ACSS3: variants seen among roughly 807,000 people sequenced by gnomAD.
The protein encoded by ACSS3 is acyl-CoA synthetase short chain family member 3, also known as acyl-CoA synthetase short-chain family member 3, mitochondrial.
A neutral mutation model predicts 84.2 loss-of-function variants in ACSS3; 64 were observed. That is an observed-to-expected ratio of 0.76 (90% CI 0.62 to 0.94). The LOEUF (loss-of-function observed/expected upper bound fraction) is 0.94, where lower values mean the gene tolerates loss of function less well. Among genes scored for constraint, ACSS3 ranks in the 40% least tolerant of loss-of-function variants. ACSS3 has a pLI of 0.00. For missense variants in ACSS3, 815 were observed against 867.6 expected (o/e 0.94, Z 0.76); for synonymous variants, 317 against 310.1 (o/e 1.02, Z -0.23).
intron 2 of ACSS3, among the ~76,000 whole-genome samples, chr12:81,113,366 C>T (rs1593066882): frequency 6.6e-6 from 1 of 152,134 alleles, no homozygotes; most frequent in Non-Finnish European, 1.5e-5. Flanking sequence ...CTGAATGTTA[C>T]GTTCTCAGTG....
chr12:81,186,334 G>A (rs920599299), intron 8 of ACSS3, among the ~76,000 whole-genome samples: 1 of 151,620 alleles, frequency 6.6e-6, no homozygotes, highest in East Asian at 1.9e-4. Context: ...AAATGCTCAG[G>A]CCACAAAAGC....
Position 81,211,292 on chromosome 12 carries a change from A to AT in ACSS3, c.1355-5604dup, listed in dbSNP as rs146600057. Among the ~76,000 whole-genome samples the AT allele has an allele frequency of 1.9e-3, 287 of 152,168 alleles. 6 individuals carry two copies. In the East Asian group the frequency reaches 0.045, roughly 24 times the overall value. On this transcript the variant is annotated intron_variant, in intron 9 of 15. Transcript: ENST00000548058. ...TCTTTTTTTTTAATTTTTAATTTCA[A>AT]TTTTTGTGGATACATGATGTATATA...
intron 7 of ACSS3, among the ~76,000 whole-genome samples, chr12:81,157,626 G>GT (rs1432501902): frequency 6.6e-6 from 1 of 152,074 alleles, no homozygotes; most frequent in Non-Finnish European, 1.5e-5. Flanking sequence ...GACCAATATG[G>GT]TGAAACCCCA....
At chr12:81,105,837 A>G (rs1248125388) in intron 1 of ACSS3, among the ~76,000 whole-genome samples, 1 of 152,214 alleles carries the variant, frequency 6.6e-6, no homozygotes, top group African/African-American at 2.4e-5. Context: ...ATCTGAGTGG[A>G]GCAATGTTCT....
intron 3 of ACSS3, among the ~76,000 whole-genome samples, chr12:81,137,597 G>A (rs1885877677): frequency 6.6e-6 from 1 of 152,142 alleles, no homozygotes; most frequent in Admixed American, 6.5e-5. Flanking sequence ...ATTCTAACAA[G>A]TCAGTCTAGA....
chr12:81,161,900 T>G (rs1887171474), intron 7 of ACSS3, among the ~76,000 whole-genome samples: 1 of 152,148 alleles, frequency 6.6e-6, no homozygotes, highest in Admixed American at 6.5e-5. Flanking sequence ...CGGACCTGTG[T>G]CTGGACGAGG....
intron 13 of ACSS3, among the ~76,000 whole-genome samples, chr12:81,243,381 C>T (rs2033876404): frequency 1.3e-5 from 2 of 152,186 alleles, no homozygotes; most frequent in South Asian, 2.1e-4. Flanking sequence ...AATGCAAGAA[C>T]ATTCCACGCT....
chr12:81,237,840 AC>A (rs1443609261), intron 13 of ACSS3, among the ~76,000 whole-genome samples: 1 of 151,670 alleles, frequency 6.6e-6, no homozygotes, highest in African/African-American at 2.4e-5. Context: ...GTCTTATTGC[AC>A]TACCTAGTTC....
chr12:81,082,203 C>T (rs967608604), intron 1 of ACSS3, among the ~76,000 whole-genome samples: 1 of 152,106 alleles, frequency 6.6e-6, no homozygotes, highest in African/African-American at 2.4e-5. Flanking sequence ...GGTTTTCGAC[C>T]CTGGCCTCCT....
intron 9 of ACSS3, among the ~76,000 whole-genome samples, chr12:81,210,639 T>A (rs2032554906): frequency 6.6e-6 from 1 of 152,170 alleles, no homozygotes; most frequent in East Asian, 1.9e-4. Flanking sequence ...ATTACCCATC[T>A]CTTTTGTTTC....
intron 2 of ACSS3, among the ~76,000 whole-genome samples, chr12:81,119,323 C>A (rs1272070583): frequency 6.6e-6 from 1 of 152,104 alleles, no homozygotes; most frequent in Non-Finnish European, 1.5e-5. Context: ...AGGGCAAAAT[C>A]AAAAACTCCT....
At chr12:81,223,864 C>A (rs528234689) in intron 11 of ACSS3, among the ~76,000 whole-genome samples, 1 of 152,018 alleles carries the variant, frequency 6.6e-6, no homozygotes, top group African/African-American at 2.4e-5. Context: ...AATAGACCAT[C>A]TTTTATCTAG....
intron 7 of ACSS3, among the ~76,000 whole-genome samples, chr12:81,169,253 G>C (rs572751780): frequency 1.6e-4 from 25 of 152,288 alleles, no homozygotes; most frequent in Admixed American, 7.2e-4. Context: ...AAGTCAGTCT[G>C]ATCTGAATCA....
intron 8 of ACSS3, among the ~76,000 whole-genome samples, chr12:81,186,408 A>G (rs1244082854): frequency 1.3e-5 from 2 of 151,828 alleles, no homozygotes; most frequent in African/African-American, 4.8e-5. Context: ...AACAGCTAAC[A>G]AAATGAAACA....
At position 81,212,664 on chromosome 12, in the gene ACSS3, C is replaced by T. The variant is rs533379670; in HGVS notation, c.1355-4237C>T. Among the ~76,000 whole-genome samples the T allele has an allele frequency of 4.6e-4, 70 of 152,072 alleles. 2 individuals carry two copies. In the South Asian group the frequency reaches 0.013, roughly 28 times the overall value. On this transcript the variant is annotated intron_variant, in intron 9 of 15. Coordinates refer to ENST00000548058, the MANE Select transcript of ACSS3 (RefSeq NM_024560.4). ...TGCAATTATATAGATTAAAAGCACT[C>T]GACTCTTGGTATATAGCATAATTCA... is the stretch of plus-strand genomic sequence containing the variant.
intron 2 of ACSS3, among the ~76,000 whole-genome samples, chr12:81,121,343 G>C (rs923003312): frequency 9.9e-5 from 15 of 152,070 alleles, no homozygotes; most frequent in Non-Finnish European, 2.2e-4. Flanking sequence ...AAACAATGCA[G>C]CAGGATTCCT....
In ACSS3 at chr12:81,260,814, A is replaced by G; in HGVS notation, c.*5892A>G. 1 of 152,204 alleles carries G rather than the reference A, an allele frequency of 6.6e-6. No homozygotes were observed. The highest frequency in any genetic ancestry group is 1.9e-4 in the East Asian group (1 of 5,188). The allele number at this position is 152,204 out of a possible 1,614,324, so 9.4% of individuals were successfully genotyped here. A position where few individuals can be genotyped will look rare whatever the true frequency, so the allele number is the denominator to read the frequency against. ...TAACCCTGTGCACACATTTTGTTCT[A>G]AATATCGCTCTTAAAAAGTATTTTT... On this transcript the variant is annotated 3_prime_UTR_variant, in exon 16 of 16. Coordinates refer to ENST00000548058, the MANE Select transcript of ACSS3 (RefSeq NM_024560.4).
chr12:81,107,183 A>G (rs1305712710), intron 1 of ACSS3, among the ~76,000 whole-genome samples: 1 of 152,002 alleles, frequency 6.6e-6, no homozygotes, highest in African/African-American at 2.4e-5. Context: ...CTGTAGCGTG[A>G]GCTAAGGGAT....
chr12:81,099,661 G>C (rs1201676635), intron 1 of ACSS3, among the ~76,000 whole-genome samples: 1 of 152,122 alleles, frequency 6.6e-6, no homozygotes, highest in Non-Finnish European at 1.5e-5. Context: ...CAAATTTGCA[G>C]ATTAAAAGCT....
Sources: allele counts gnomAD v4.1 joint callset (sites outside exome capture counted in the v4.1 genomes callset), GRCh38; gene constraint gnomAD v4.1.1; transcripts MANE v1.5; gene names NCBI Gene and HGNC (gene_info 2026-07-23, HGNC 2026-07-21).